The following SEMA3E variants were observed in gnomAD, a reference collection of about 807,000 sequenced individuals.
SEMA3E encodes semaphorin-3E.
Under a neutral mutation model 93.6 loss-of-function variants are expected in SEMA3E, and 49 were observed. The ratio of observed to expected loss-of-function variants is 0.52; its 90% CI spans 0.42 to 0.66. SEMA3E has a LOEUF of 0.66. Ranked by LOEUF, SEMA3E falls within the 30% of genes least tolerant of loss-of-function variation. SEMA3E has a pLI of 0.00. For missense variants in SEMA3E, 906 were observed against 964.8 expected, an observed-to-expected ratio of 0.94 and a Z score of 0.81; for synonymous variants, 363 against 330.7, an observed-to-expected ratio of 1.10 and a Z score of -1.06.
chr7:83,506,287 TA>T (rs1790704498), intron 1 of SEMA3E, among the ~76,000 whole-genome samples: 1 of 151,884 alleles, frequency 6.6e-6, no homozygotes, highest in African/African-American at 2.4e-5. Context: ...TATTCAGACT[TA>T]AAAAATAATA....
At chr7:83,579,346 T>C (rs933139736) in intron 1 of SEMA3E, among the ~76,000 whole-genome samples, 6 of 152,256 alleles carry the variant, frequency 3.9e-5, no homozygotes, top group Middle Eastern at 3.4e-3. Context: ...GCTTCAGGTA[T>C]TCTTTTTTAA....
chr7:83,449,202 T>C (rs1488263530), intron 4 of SEMA3E, among the ~76,000 whole-genome samples: 2 of 151,860 alleles, frequency 1.3e-5, no homozygotes, highest in Non-Finnish European at 2.9e-5. Context: ...TGGGCTCAAG[T>C]GATCCTGCTA....
chr7:83,625,364 T>C (rs936603891), intron 1 of SEMA3E, among the ~76,000 whole-genome samples: 2 of 152,214 alleles, frequency 1.3e-5, no homozygotes, highest in African/African-American at 4.8e-5. Context: ...GAGCATGGAA[T>C]GTTTTTCCAT....
At chr7:83,498,784 T>C (rs539096985) in intron 1 of SEMA3E, among the ~76,000 whole-genome samples, 4 of 152,240 alleles carry the variant, frequency 2.6e-5, no homozygotes, top group Non-Finnish European at 5.9e-5. Flanking sequence ...CAGCCTTTTA[T>C]AAGAGAATAA....
At chr7:83,389,765 T>C (rs55700918) in intron 14 of SEMA3E, among the ~76,000 whole-genome samples, 2,236 of 131,542 alleles carry the variant, frequency 0.017, 38 homozygotes, top group Middle Eastern at 0.038. Context: ...TGTATACATA[T>C]ATACACGTAT....
chr7:83,519,381 C>G (rs1790999641), intron 1 of SEMA3E, among the ~76,000 whole-genome samples: 1 of 152,000 alleles, frequency 6.6e-6, no homozygotes, highest in South Asian at 2.1e-4. Flanking sequence ...TGTCTAAAAC[C>G]CTACAAAAAA....
At chr7:83,581,692 A>C (rs901903713) in intron 1 of SEMA3E, among the ~76,000 whole-genome samples, 6 of 152,158 alleles carry the variant, frequency 3.9e-5, no homozygotes, top group Admixed American at 3.9e-4. Flanking sequence ...TGCAAGTGAT[A>C]ATTTCAATCT....
In SEMA3E at chr7:83,402,705, T is replaced by G; in HGVS notation, c.1070A>C (p.Tyr357Ser). 6.2e-7 allele frequency: 1 copy of G among 1,613,042 alleles called. No individual in the cohort carries two copies. Among genetic ancestry groups the G allele is most frequent in the South Asian group, 1.1e-5 (1 of 91,066 alleles). The part of the protein sequence containing the change: ...SSIRAAFNGP[Y>S]AHKEGPEYHW... ...GTATTCAGGTCCTTCCTTATGTGCA[T>G]ATGGTCCGTTGAAGGCTGCCCGAAT... is the stretch of plus-strand genomic sequence containing the variant. The change falls in exon 10 of 17, where the codon TAT becomes TCT. Residue 357 changes from tyrosine to serine, a missense_variant. Tyr to Ser is a moderately radical substitution (Grantham distance 144, BLOSUM62 -2). Transcript: ENST00000643230.
chr7:83,407,687 G>A (rs947639240), intron 6 of SEMA3E, among the ~76,000 whole-genome samples: 1 of 152,012 alleles, frequency 6.6e-6, no homozygotes, highest in East Asian at 1.9e-4. Flanking sequence ...TACCAGTATA[G>A]CGCATAGATC....
chr7:83,434,354 C>A (rs552643441), intron 4 of SEMA3E, among the ~76,000 whole-genome samples: 1 of 152,174 alleles, frequency 6.6e-6, no homozygotes, highest in Non-Finnish European at 1.5e-5. Flanking sequence ...AATTCTTTTG[C>A]TCTGGGGACT....
At chr7:83,395,763 C>T (rs888663793) in intron 12 of SEMA3E, among the ~76,000 whole-genome samples, 4 of 112,602 alleles carry the variant, frequency 3.6e-5, no homozygotes, top group Non-Finnish European at 6.3e-5. Flanking sequence ...TGTGCCTTAA[C>T]GTTGAAAACT....
At chr7:83,591,926 T>C (rs559730620) in intron 1 of SEMA3E, among the ~76,000 whole-genome samples, 1 of 152,052 alleles carries the variant, frequency 6.6e-6, no homozygotes, top group Non-Finnish European at 1.5e-5. Flanking sequence ...AAATCAAGCA[T>C]TTTGATCCAG....
chr7:83,487,104 T>C (rs1036162168), intron 2 of SEMA3E, among the ~76,000 whole-genome samples: 65 of 152,062 alleles, frequency 4.3e-4, no homozygotes, highest in African/African-American at 1.5e-3. Context: ...AAAGCCCAGC[T>C]TCCTAGTTTT....
intron 1 of SEMA3E, among the ~76,000 whole-genome samples, chr7:83,560,881 T>C (rs914416546): frequency 6.6e-6 from 1 of 152,022 alleles, no homozygotes; most frequent in Non-Finnish European, 1.5e-5. Flanking sequence ...ATAAAGTACG[T>C]AACAGATTTT....
At chr7:83,374,040 C>T (rs138918184) in intron 16 of SEMA3E, among the ~76,000 whole-genome samples, 3,166 of 151,852 alleles carry the variant, frequency 0.021, 108 homozygotes, top group African/African-American at 0.071. Flanking sequence ...AACCCCATCT[C>T]TACTAAAAAT....
At chr7:83,499,612 A>G (rs1247803137) in intron 1 of SEMA3E, among the ~76,000 whole-genome samples, 1 of 152,166 alleles carries the variant, frequency 6.6e-6, no homozygotes, top group Non-Finnish European at 1.5e-5. Context: ...CATGGCTGAG[A>G]GATGAAGGAA....
At chr7:83,602,709 C>A (rs1793023169) in intron 1 of SEMA3E, among the ~76,000 whole-genome samples, 1 of 152,122 alleles carries the variant, frequency 6.6e-6, no homozygotes, top group South Asian at 2.1e-4. Context: ...ATCTCTTGAC[C>A]TTGTGATCTG....
At chr7:83,505,156 C>G (rs1670737508) in intron 1 of SEMA3E, among the ~76,000 whole-genome samples, 1 of 152,142 alleles carries the variant, frequency 6.6e-6, no homozygotes, top group Non-Finnish European at 1.5e-5. Context: ...AATAAAAGGT[C>G]ATAGATAACC....
intron 1 of SEMA3E, among the ~76,000 whole-genome samples, chr7:83,601,065 T>C (rs1009542406): frequency 1.3e-5 from 2 of 151,910 alleles, no homozygotes; most frequent in Non-Finnish European, 2.9e-5. Flanking sequence ...GGGAAAGAGA[T>C]GTGATGACGA....
Sources: gnomAD v4.1 joint callset for allele counts (sites outside exome capture counted in the v4.1 genomes callset) on GRCh38, gnomAD v4.1.1 for gene constraint, MANE v1.5 for transcripts, NCBI Gene and HGNC (gene_info 2026-07-23, HGNC 2026-07-21) for gene names.